GABRB1: variants seen among roughly 807,000 people sequenced by gnomAD.
GABRB1 encodes gamma-aminobutyric acid type A receptor subunit beta1.
GABRB1 carries 17 observed loss-of-function variants against 51.6 expected under a neutral mutation model. The observed-to-expected ratio is 0.33, with a 90% confidence interval of 0.23 to 0.49. The LOEUF (loss-of-function observed/expected upper bound fraction) is 0.49. GABRB1 is among the 20% of genes least tolerant of loss of function. The pLI is 0.99. For synonymous variants in GABRB1, 247 were observed against 218.9 expected, an observed-to-expected ratio of 1.13 and a Z score of -1.14; for missense variants, 410 against 600.6, an observed-to-expected ratio of 0.68 and a Z score of 3.32.
At chr4:47,372,667 A>G (rs182594296) in intron 5 of GABRB1, among the ~76,000 whole-genome samples, 5 of 152,286 alleles carry the variant, frequency 3.3e-5, no homozygotes, top group Admixed American at 6.5e-5. Context: ...CTAGACATTG[A>G]GAGGAGAAAT....
At chr4:47,109,457 G>C (rs1438544398) in intron 3 of GABRB1, among the ~76,000 whole-genome samples, 1 of 152,044 alleles carries the variant, frequency 6.6e-6, no homozygotes, top group East Asian at 1.9e-4. Flanking sequence ...ATCCACAAAT[G>C]CCTAAACTTC....
chr4:47,401,469 G>A (rs1414350114), intron 5 of GABRB1, among the ~76,000 whole-genome samples: 1 of 152,050 alleles, frequency 6.6e-6, no homozygotes, highest in Admixed American at 6.6e-5. Flanking sequence ...CCTTCACCCA[G>A]CTATCTTCTT....
chr4:47,135,916 GCTT>G, intron 3 of GABRB1, among the ~76,000 whole-genome samples: 1 of 152,100 alleles, frequency 6.6e-6, no homozygotes, highest in Admixed American at 6.6e-5. Flanking sequence ...GTCTGTAATA[GCTT>G]CTTCTCTCTT....
At chr4:47,203,375 G>A (rs1041217030) in intron 4 of GABRB1, among the ~76,000 whole-genome samples, 9 of 127,636 alleles carry the variant, frequency 7.1e-5, no homozygotes, top group Admixed American at 6.8e-4. Flanking sequence ...ATTAACTGCT[G>A]CTACCTAAAT....
intron 5 of GABRB1, among the ~76,000 whole-genome samples, chr4:47,398,543 T>A (rs1298922277): frequency 1.3e-5 from 2 of 150,216 alleles, no homozygotes; most frequent in Non-Finnish European, 3.0e-5. Context: ...TAAGGAAATA[T>A]CTTCTCATAT....
chr4:47,131,236 T>G (rs996418801), intron 3 of GABRB1, among the ~76,000 whole-genome samples: 1 of 152,116 alleles, frequency 6.6e-6, no homozygotes, highest in Non-Finnish European at 1.5e-5. Flanking sequence ...CTCGGTTCAC[T>G]GCAACCTCTG....
At chr4:47,403,516 C>T in intron 6 of GABRB1, 43 bp from the exon 7 acceptor site, 1 of 1,613,334 alleles carries the variant, frequency 6.2e-7, no homozygotes, top group Non-Finnish European at 8.5e-7. Flanking sequence ...ATGGTTCCAA[C>T]CAAATAATGG....
At position 47,032,557 on chromosome 4, in the gene GABRB1, GCGT is replaced by G. The variant is rs772663847; in HGVS notation, c.240+74_240+76del. ...AAATGGACAGGTCCCTTTGCCCTCT[GCGT>G]TTCATTGGCGGTCACCTCGCCCCTG... On this transcript the variant is annotated intron_variant, in intron 3 of 8. Coordinates refer to ENST00000295454, the MANE Select transcript of GABRB1 (RefSeq NM_000812.4). The G allele has an allele frequency of 2.1e-6, 3 of 1,441,812 alleles. No homozygotes were observed. The East Asian group carries it at 6.8e-5, about 33-fold the overall frequency. The allele number at this position is 1,441,812 out of a possible 1,614,324, so 89.3% of individuals were successfully genotyped here.
chr4:47,319,105 G>T (rs1027004771), intron 4 of GABRB1, among the ~76,000 whole-genome samples: 7 of 151,994 alleles, frequency 4.6e-5, no homozygotes, highest in African/African-American at 1.7e-4. Context: ...TACTACAATT[G>T]TGTGGAAATG....
chr4:47,372,439 C>T (rs1385602620), intron 5 of GABRB1, among the ~76,000 whole-genome samples: 2 of 152,198 alleles, frequency 1.3e-5, no homozygotes. Flanking sequence ...TTGGCCCCCA[C>T]TGTGCTGTTA....
chr4:47,334,590 G>C (rs1725624335), intron 5 of GABRB1, among the ~76,000 whole-genome samples: 1 of 152,100 alleles, frequency 6.6e-6, no homozygotes, highest in Non-Finnish European at 1.5e-5. Flanking sequence ...TATGTAGAAA[G>C]GACTTATTTT....
chr4:47,037,965 G>A (rs546620290), intron 3 of GABRB1, among the ~76,000 whole-genome samples: 1 of 152,246 alleles, frequency 6.6e-6, no homozygotes, highest in South Asian at 2.1e-4. Flanking sequence ...GTAAAAAATA[G>A]CCTAGGACTT....
At chr4:47,121,363 A>T (rs1470207) in intron 3 of GABRB1, among the ~76,000 whole-genome samples, 71,534 of 151,980 alleles carry the variant, frequency 0.47, 17,132 homozygotes, top group Middle Eastern at 0.52. Context: ...GCATCGGAAA[A>T]TCAAGACTGT....
intron 4 of GABRB1, among the ~76,000 whole-genome samples, chr4:47,311,060 C>CAAAA (rs34566582): frequency 9.6e-5 from 5 of 52,158 alleles, no homozygotes; most frequent in African/African-American, 1.7e-4. Flanking sequence ...AACTCTGTCT[C>CAAAA]AAAAAAAAAA....
At chr4:47,017,745 A>T (rs1724791748) in intron 1 of GABRB1, among the ~76,000 whole-genome samples, 1 of 152,150 alleles carries the variant, frequency 6.6e-6, no homozygotes, top group South Asian at 2.1e-4. Flanking sequence ...TGACTATTTT[A>T]TGAACAGCAT....
At chr4:47,044,183 C>T (rs766271697) in intron 3 of GABRB1, among the ~76,000 whole-genome samples, 1 of 152,212 alleles carries the variant, frequency 6.6e-6, no homozygotes, top group Non-Finnish European at 1.5e-5. Flanking sequence ...ATCAACAACT[C>T]TAACTCCATT....
intron 4 of GABRB1, among the ~76,000 whole-genome samples, chr4:47,238,749 A>C (rs73247684): frequency 6.6e-6 from 1 of 152,246 alleles, no homozygotes; most frequent in Admixed American, 6.5e-5. Context: ...ATAGAATTCC[A>C]AAGTATAAAA....
chr4:47,342,352 T>C (rs1235055099), intron 5 of GABRB1, among the ~76,000 whole-genome samples: 1 of 152,142 alleles, frequency 6.6e-6, no homozygotes, highest in Non-Finnish European at 1.5e-5. Flanking sequence ...AGGGATTTAT[T>C]TTTAATACTT....
rs1725305490 is a variant in GABRB1, at chr4:47,031,678, T to A, written c.27T>A (p.Ser9Arg). The change falls in exon 1 of 9, where the codon AGT becomes AGA. Residue 9 changes from serine to arginine, a missense_variant. Transcript: ENST00000295454. MWTVQNRE[S>R]LGLLSFPVMI... The stretch of plus-strand genomic sequence containing the variant: ...TGTGGACAGTACAAAATCGAGAGAG[T>A]CTGGGGCTTCTCTCTTTCCCTGTGA... The A allele has an allele frequency of 1.2e-6, 2 of 1,613,582 alleles. No individual in the cohort carries two copies. Among genetic ancestry groups the A allele is most frequent in the Middle Eastern group, 1.6e-4 (1 of 6,062 alleles).
Sources: allele counts gnomAD v4.1 joint callset (sites outside exome capture counted in the v4.1 genomes callset), GRCh38; gene constraint gnomAD v4.1.1; transcripts MANE v1.5; gene names NCBI Gene and HGNC (gene_info 2026-07-23, HGNC 2026-07-21).